CINP: variants seen among roughly 807,000 people sequenced by gnomAD.
CINP encodes cyclin-dependent kinase 2-interacting protein.
In CINP, 11 loss-of-function variants were observed where a neutral mutation model predicts 20.5. That is an observed-to-expected ratio of 0.54 (90% CI 0.34 to 0.89). The LOEUF is 0.89. CINP is among the 40% of genes least tolerant of loss of function. The pLI, the probability that CINP is intolerant of heterozygous loss-of-function variation, is 0.02. For synonymous variants in CINP, 108 were observed against 102.1 expected (o/e 1.06, Z -0.35); for missense variants, 213 against 251.0 (o/e 0.85, Z 1.02).
intron 2 of CINP, 40 bp downstream of exon 2, chr14:102,359,379 G>T: frequency 1.4e-6 from 2 of 1,441,024 alleles, no homozygotes; most frequent in Non-Finnish European, 1.9e-6. Flanking sequence ...AGTTATTAAG[G>T]GTGAAAAACT....
At position 102,362,876 on chromosome 14, in the gene CINP, G is replaced by A. The variant is rs775084591; in HGVS notation, c.-25C>T. ...TAAGGTCCACAGATATCCGTAGAAG[G>A]AGACGCGAAGCCCCGCCCACCCCAC... On this transcript the variant is annotated 5_prime_UTR_variant, in exon 1 of 5. Transcript: ENST00000216756. The A allele has an allele frequency of 3.7e-6, 6 of 1,613,908 alleles. No individual in the cohort carries two copies. The highest frequency in any genetic ancestry group is 2.2e-5 in the East Asian group (1 of 44,858).
At chr14:102,354,732 G>A (rs1260149453) in intron 3 of CINP, among the ~76,000 whole-genome samples, 1 of 152,026 alleles carries the variant, frequency 6.6e-6, no homozygotes, top group East Asian at 1.9e-4. Flanking sequence ...ACTCCATCCA[G>A]CCTCAGTGGC....
In CINP at chr14:102,355,834, C is replaced by T. The variant is rs1428287425; in HGVS notation, c.240G>A (p.Val80=). ...SPASKENEEK[V]CLEYNEELEK... ...CCAGTTCCTCGTTATATTCCAGACA[C>T]ACCTTTTCTTCATTTTCCTTCGAGG... The change falls in exon 3 of 5, where the codon GTG becomes GTA. Residue 80 remains valine (V), a synonymous_variant. Transcript: ENST00000216756. 6.2e-7 allele frequency: 1 copy of T among 1,614,094 alleles called. No individual in the cohort carries two copies.
chr14:102,349,901 T>C lies in CINP; in HGVS notation c.436+18A>G. The C allele has an allele frequency of 1.2e-6, 2 of 1,613,490 alleles. No homozygotes were observed. Among genetic ancestry groups the C allele is most frequent in the Non-Finnish European group, 1.7e-6 (2 of 1,179,818 alleles). On this transcript the variant is annotated intron_variant, in intron 4 of 4. Transcript: ENST00000216756. ...AACCTTTACCCTCCTGAAAATCAAC[T>C]GAGAAGGAACTACTTACAGAAATGG...
intron 1 of CINP, 151 bp downstream of exon 1, chr14:102,362,694 G>A (rs1158963683): frequency 9.8e-7 from 1 of 1,025,154 alleles, no homozygotes; most frequent in South Asian, 1.3e-5. Context: ...CAGAGGCTGC[G>A]AGGGGCCTGC....
intron 2 of CINP, among the ~76,000 whole-genome samples, chr14:102,357,000 A>T (rs1239718553): frequency 1.3e-5 from 2 of 152,226 alleles, no homozygotes; most frequent in Non-Finnish European, 2.9e-5. Context: ...TCTCATTTTA[A>T]ATCAAAAGCT....
intron 3 of CINP, 99 bp downstream of exon 3, chr14:102,355,669 G>C: frequency 7.4e-7 from 1 of 1,353,394 alleles, no homozygotes; most frequent in Non-Finnish European, 1.0e-6. Flanking sequence ...AGAGGAGACT[G>C]AGAAGGAGTA....
chr14:102,362,610 A>C (rs559881375), intron 1 of CINP: 4 of 710,288 alleles, frequency 5.6e-6, no homozygotes, highest in Non-Finnish European at 1.0e-5. Flanking sequence ...TCATTTGCGT[A>C]TATCGTCCCG....
chr14:102,362,761 C>G, intron 1 of CINP, 84 bp downstream of exon 1: 1 of 1,557,598 alleles, frequency 6.4e-7, no homozygotes, highest in Non-Finnish European at 8.9e-7. Context: ...ATCCGGGGAG[C>G]TCCTGAGCTT....
chr14:102,355,907 A>G lies in CINP; in HGVS notation c.177-10T>C. On this transcript the variant is annotated splice_polypyrimidine_tract_variant and intron_variant, in intron 2 of 4. Coordinates refer to ENST00000216756, the MANE Select transcript of CINP (RefSeq NM_032630.3). Reference sequence around the variant, plus strand: ...TATCTTGTCTTTATTCCTAAACAAAATAGAAAATAATGTGTACAAAATATA... The same window carrying G: ...TATCTTGTCTTTATTCCTAAACAAAGTAGAAAATAATGTGTACAAAATATA... 6.2e-7 allele frequency: 1 copy of G among 1,613,504 alleles called. No individual in the cohort carries two copies. Among genetic ancestry groups the G allele is most frequent in the Non-Finnish European group, 8.5e-7 (1 of 1,179,720 alleles).
chr14:102,360,385 G>A (rs1051349229), intron 1 of CINP, among the ~76,000 whole-genome samples: 7 of 151,462 alleles, frequency 4.6e-5, no homozygotes, highest in Admixed American at 4.6e-4. Flanking sequence ...TGTTCTCCCC[G>A]AACCCTCCTG....
At chr14:102,362,613 T>C in intron 1 of CINP, 1 of 711,146 alleles carries the variant, frequency 1.4e-6, no homozygotes, top group South Asian at 1.5e-5. Context: ...TTTGCGTATA[T>C]CGTCCCGTTC....
chr14:102,350,772 T>C (rs1886849563), intron 3 of CINP, among the ~76,000 whole-genome samples: 1 of 151,628 alleles, frequency 6.6e-6, no homozygotes, highest in Non-Finnish European at 1.5e-5. Context: ...TGTCTCTCTA[T>C]CAAATGAGCT....
intron 2 of CINP, among the ~76,000 whole-genome samples, chr14:102,358,252 T>C (rs189153881): frequency 1.4e-4 from 21 of 152,266 alleles, no homozygotes; most frequent in Non-Finnish European, 2.9e-4. Flanking sequence ...CAACAAAAGA[T>C]TGAGAATATT....
chr14:102,350,663 G>C (rs1007020028), intron 3 of CINP, among the ~76,000 whole-genome samples: 6 of 151,794 alleles, frequency 4.0e-5, no homozygotes, highest in African/African-American at 1.5e-4. Flanking sequence ...GCTGGCTCTT[G>C]CTGCTTTTAA....
chr14:102,360,199 ATGAACTAC>A (rs1392071695), intron 1 of CINP, among the ~76,000 whole-genome samples: 4 of 152,024 alleles, frequency 2.6e-5, no homozygotes, highest in Admixed American at 6.6e-5. Flanking sequence ...TCCAGCGAAA[ATGAACTAC>A]TGGCAGCTCT....
At chr14:102,354,256 A>G (rs994901293) in intron 3 of CINP, among the ~76,000 whole-genome samples, 2 of 152,216 alleles carry the variant, frequency 1.3e-5, no homozygotes, top group African/African-American at 4.8e-5. Flanking sequence ...TAGTTCATTA[A>G]ACAAACACTT....
chr14:102,348,458 A>T lies in CINP; in HGVS notation c.*99T>A. 1 of 1,071,718 alleles carries T rather than the reference A, an allele frequency of 9.3e-7. No homozygotes were observed. Among genetic ancestry groups the T allele is most frequent in the Non-Finnish European group, 1.3e-6 (1 of 748,600 alleles). The allele number at this position is 1,071,718 out of a possible 1,614,324, so 66.4% of individuals were successfully genotyped here. ...TCTGGCCAGAAGACCCCAAGGTCTG[A>T]TCCTGGGGTCTGATCCAGGCCTGCG... On this transcript the variant is annotated 3_prime_UTR_variant, in exon 5 of 5. Transcript: ENST00000216756.
rs1388010936 is a variant in CINP, at chr14:102,352,480, C to T, written c.307-2432G>A. ...AGACCACAGTGAAATGTTAGCCCAG[C>T]TTAGGAAGAACGGTGCATGAAACCC... On this transcript the variant is annotated intron_variant, in intron 3 of 4. Coordinates refer to ENST00000216756, the MANE Select transcript of CINP (RefSeq NM_032630.3). The T allele has an allele frequency of 1.1e-5, 5 of 455,418 alleles. No homozygotes were observed. In the Admixed American group the frequency reaches 1.2e-4, roughly 11 times the overall value. 28.2% of individuals were successfully genotyped at this position (455,418 alleles called of 1,614,324 possible).
Sources: allele counts gnomAD v4.1 joint callset (sites outside exome capture counted in the v4.1 genomes callset), GRCh38; gene constraint gnomAD v4.1.1; transcripts MANE v1.5; gene names NCBI Gene and HGNC (gene_info 2026-07-23, HGNC 2026-07-21).